FAM114A2: variants seen among roughly 807,000 people sequenced by gnomAD.
FAM114A2 encodes the protein family with sequence similarity 114 member A2, also known as protein FAM114A2.
Under a neutral mutation model 58.4 loss-of-function variants are expected in FAM114A2, and 53 were observed. The observed-to-expected ratio is 0.91, with a 90% CI of 0.73 to 1.14. FAM114A2 has a LOEUF of 1.14. Among genes scored for constraint, FAM114A2 ranks in the 50% most tolerant of loss-of-function variants. The pLI, the probability that FAM114A2 is intolerant of heterozygous loss-of-function variation, is 0.00. For synonymous variants in FAM114A2, 228 were observed against 211.4 expected (o/e 1.08, Z -0.68); for missense variants, 601 against 581.1 (o/e 1.03, Z -0.35).
chr5:154,033,520 T>C (rs1345223728), intron 4 of FAM114A2, among the ~76,000 whole-genome samples: 1 of 152,256 alleles, frequency 6.6e-6, no homozygotes, highest in Non-Finnish European at 1.5e-5. Flanking sequence ...TTATATTGTA[T>C]ATTCATGGCC....
In FAM114A2 at chr5:154,001,698, A is replaced by T. The variant is rs1319835699; in HGVS notation, c.1256+553T>A. Among the ~76,000 whole-genome samples, 12 of 152,182 alleles carry T rather than the reference A, an allele frequency of 7.9e-5. No individual in the cohort carries two copies. In the East Asian group the frequency reaches 2.3e-3, roughly 29 times the overall value. ...TGATTATCTATACTATTTTTGAAAA[A>T]TTTTTGTACAAATCAGCAATAAAAT... On this transcript the variant is annotated intron_variant, in intron 11 of 13. Coordinates refer to ENST00000351797, the MANE Select transcript of FAM114A2 (RefSeq NM_018691.4).
At chr5:153,996,304 A>G (rs1038087907) in intron 12 of FAM114A2, among the ~76,000 whole-genome samples, 1 of 152,190 alleles carries the variant, frequency 6.6e-6, no homozygotes, top group Admixed American at 6.5e-5. Flanking sequence ...AGGAAAGAAC[A>G]GTCTTTTCAA....
intron 8 of FAM114A2, among the ~76,000 whole-genome samples, chr5:154,019,231 C>G (rs968245509): frequency 2.0e-5 from 3 of 152,128 alleles, no homozygotes; most frequent in African/African-American, 7.2e-5. Flanking sequence ...AGTAGCTCTT[C>G]AATACACCAA....
At chr5:153,995,814 C>T (rs543270458) in intron 12 of FAM114A2, among the ~76,000 whole-genome samples, 75 of 152,200 alleles carry the variant, frequency 4.9e-4, no homozygotes, top group African/African-American at 1.8e-3. Context: ...TTTAAAATCC[C>T]CAAAAGACTT....
In FAM114A2 at chr5:154,037,088, G is replaced by A. The variant is rs1476839659; in HGVS notation, c.-15+1769C>T. Reference sequence around the variant, plus strand: ...TGAGTTGGCAACACCTGCCTTAAAAGAAGCTTATGATTTTGACAGATGATG... The same window carrying A: ...TGAGTTGGCAACACCTGCCTTAAAAAAAGCTTATGATTTTGACAGATGATG... On this transcript the variant is annotated intron_variant, in intron 1 of 13. Transcript: ENST00000351797. 2.0e-5 allele frequency: 3 copies of A among 152,282 alleles called. No homozygotes were observed. In the East Asian group the frequency reaches 5.8e-4, roughly 29 times the overall value. 9.4% of individuals were successfully genotyped at this position (152,282 alleles called of 1,614,324 possible). A position where few individuals can be genotyped will look rare whatever the true frequency, so the allele number is the denominator to read the frequency against.
At chr5:154,005,213 C>T (rs1034197997) in intron 9 of FAM114A2, among the ~76,000 whole-genome samples, 3 of 152,196 alleles carry the variant, frequency 2.0e-5, no homozygotes, top group Non-Finnish European at 2.9e-5. Context: ...ATATGACCAG[C>T]ACCCATATCT....
Position 153,992,275 on chromosome 5 carries a change from T to C in FAM114A2, c.*701A>G, listed in dbSNP as rs1190619149. On this transcript the variant is annotated 3_prime_UTR_variant, in exon 14 of 14. Coordinates refer to ENST00000351797, the MANE Select transcript of FAM114A2 (RefSeq NM_018691.4). ...TTGCATTTACTGGCCTTGAATCCAGTAGAGTAGGGTTCAGCTATGACATGA... is the reference window on the plus strand; with the variant it reads ...TTGCATTTACTGGCCTTGAATCCAGCAGAGTAGGGTTCAGCTATGACATGA... The C allele has an allele frequency of 2.6e-5, 4 of 152,110 alleles. No individual in the cohort carries two copies. Among genetic ancestry groups the C allele is most frequent in the East Asian group, 3.9e-4 (2 of 5,190 alleles). The allele number at this position is 152,110 out of a possible 1,614,324, so 9.4% of individuals were successfully genotyped here.
intron 2 of FAM114A2, 39 bp from the exon 3 acceptor site, chr5:154,034,416 A>T (rs911772221): frequency 3.1e-6 from 4 of 1,282,862 alleles, no homozygotes; most frequent in Non-Finnish European, 4.4e-6. Context: ...AGGCAAAGAA[A>T]AATGAAAAAA....
intron 9 of FAM114A2, among the ~76,000 whole-genome samples, chr5:154,008,590 CTA>C (rs1770494300): frequency 6.6e-6 from 1 of 151,996 alleles, no homozygotes; most frequent in Non-Finnish European, 1.5e-5. Context: ...TATCTTCAGA[CTA>C]TGTGTATAAG....
chr5:154,014,511 C>T (rs939362030), intron 8 of FAM114A2, among the ~76,000 whole-genome samples: 1 of 152,134 alleles, frequency 6.6e-6, no homozygotes, highest in Non-Finnish European at 1.5e-5. Flanking sequence ...AAAGGGAGAT[C>T]ATCTACCCCA....
intron 11 of FAM114A2, among the ~76,000 whole-genome samples, chr5:153,999,518 C>T (rs1484453568): frequency 1.3e-5 from 2 of 151,778 alleles, no homozygotes; most frequent in African/African-American, 2.4e-5. Context: ...CTTGTAATCC[C>T]AGCTACTCAG....
rs1772344352 is a variant in FAM114A2, at chr5:154,033,774, T to C, written c.403+17A>G. Reference sequence around the variant, plus strand: ...TTCAATTCATAATTCTAGGTCTTTATGTTTCCATATACTGACCTGCTACAT... The same window carrying C: ...TTCAATTCATAATTCTAGGTCTTTACGTTTCCATATACTGACCTGCTACAT... On this transcript the variant is annotated intron_variant, in intron 4 of 13. Transcript: ENST00000351797. 4.3e-6 allele frequency: 6 copies of C among 1,409,228 alleles called. No homozygotes were observed. The East Asian group carries it at 1.4e-4, about 32-fold the overall frequency. The allele number at this position is 1,409,228 out of a possible 1,614,324, so 87.3% of individuals were successfully genotyped here.
intron 4 of FAM114A2, among the ~76,000 whole-genome samples, chr5:154,031,312 C>CAAGAAAAAAAAAA (rs1772177851): frequency 2.1e-5 from 1 of 47,858 alleles, no homozygotes; most frequent in Non-Finnish European, 3.4e-5. Context: ...ACTCCCTCTC[C>CAAGAAAAAAAAAA]AAAAAAAAAA....
At chr5:154,034,420 G>GA in intron 2 of FAM114A2, 43 bp from the exon 3 acceptor site, 1 of 1,221,076 alleles carries the variant, frequency 8.2e-7, no homozygotes, top group Non-Finnish European at 1.2e-6. Context: ...AAAGAAAAAT[G>GA]AAAAAATTAG....
At chr5:154,004,515 G>A (rs1200423084) in intron 9 of FAM114A2, among the ~76,000 whole-genome samples, 2 of 152,016 alleles carry the variant, frequency 1.3e-5, no homozygotes, top group African/African-American at 2.4e-5. Context: ...TACTCTGCAG[G>A]CATCACACAT....
chr5:153,993,550 C>A (rs1769371666), intron 13 of FAM114A2, among the ~76,000 whole-genome samples: 1 of 152,146 alleles, frequency 6.6e-6, no homozygotes, highest in African/African-American at 2.4e-5. Flanking sequence ...TCAGTGAGCA[C>A]AATAACTGCT....
Position 154,027,327 on chromosome 5 carries a change from C to G in FAM114A2, c.638G>C (p.Arg213Pro), listed in dbSNP as rs202065919. 2.5e-6 allele frequency: 4 copies of G among 1,609,402 alleles called. No homozygotes were observed. In the South Asian group the frequency reaches 3.3e-5, roughly 13 times the overall value. ...NRNATLSQVLREAKEKEEIRT... is the reference protein window; with the variant it reads ...NRNATLSQVLPEAKEKEEIRT... ...TATCTCTTCTTTCTCCTTCGCCTCT[C>G]GTAAAACCTAAAAAGAGATGGAGGC... Residue 213 changes from arginine (R) to proline (P), a missense_variant, in exon 7 of 14, where the codon CGA (arginine) becomes CCA (proline). Coordinates refer to ENST00000351797, the MANE Select transcript of FAM114A2 (RefSeq NM_018691.4).
At chr5:153,997,988 A>T in intron 11 of FAM114A2, 113 bp from the exon 12 acceptor site, 1 of 656,796 alleles carries the variant, frequency 1.5e-6, no homozygotes, top group African/African-American at 1.9e-5. Context: ...GTGAAAGAAG[A>T]AAGCTTTTCA....
Position 153,992,889 on chromosome 5 carries a change from C to A in FAM114A2, c.*87G>T, listed in dbSNP as rs888389629. The A allele has an allele frequency of 2.8e-5, 34 of 1,211,428 alleles. No homozygotes were observed. The East Asian group carries it at 8.1e-4, about 29-fold the overall frequency. The allele number at this position is 1,211,428 out of a possible 1,614,324, so 75.0% of individuals were successfully genotyped here. ...CCTGAATTTTTATATACTAAAATAACCCCACTCCTTCATTTCTGCAGGAGT... is the reference window on the plus strand; with the variant it reads ...CCTGAATTTTTATATACTAAAATAAACCCACTCCTTCATTTCTGCAGGAGT... On this transcript the variant is annotated 3_prime_UTR_variant, in exon 14 of 14. Transcript: ENST00000351797.
Sources: gnomAD v4.1 joint callset for allele counts (sites outside exome capture counted in the v4.1 genomes callset) on GRCh38, gnomAD v4.1.1 for gene constraint, MANE v1.5 for transcripts, NCBI Gene and HGNC (gene_info 2026-07-23, HGNC 2026-07-21) for gene names.